Variants in RBL2 observed in about 807,000 individuals in gnomAD.
RBL2 encodes retinoblastoma-like protein 2.
Under a neutral mutation model 126.0 loss-of-function variants are expected in RBL2, and 56 were observed. The observed-to-expected ratio is 0.44, with a 90% confidence interval of 0.36 to 0.56. The LOEUF is 0.56. RBL2 is among the 20% of genes least tolerant of loss of function. The pLI, the probability that RBL2 is intolerant of heterozygous loss-of-function variation, is 0.00. For synonymous variants in RBL2, 454 were observed against 478.5 expected, an observed-to-expected ratio of 0.95 and a Z score of 0.67; for missense variants, 1,229 against 1,398.2, an observed-to-expected ratio of 0.88 and a Z score of 1.93.
intron 17 of RBL2, among the ~76,000 whole-genome samples, chr16:53,477,353 T>C (rs1021100971): frequency 2.0e-5 from 3 of 152,162 alleles, no homozygotes; most frequent in Non-Finnish European, 4.4e-5. Flanking sequence ...TTCTTTCTTT[T>C]TTAAGACTGA....
intron 11 of RBL2, among the ~76,000 whole-genome samples, chr16:53,463,980 C>T (rs1393576470): frequency 6.6e-6 from 1 of 152,116 alleles, no homozygotes; most frequent in Non-Finnish European, 1.5e-5. Context: ...GATGTAATCT[C>T]TTTTAAGATA....
At chr16:53,475,281 T>A (rs1255174209) in intron 17 of RBL2, among the ~76,000 whole-genome samples, 1 of 152,236 alleles carries the variant, frequency 6.6e-6, no homozygotes, top group East Asian at 1.9e-4. Context: ...AGGGGCATGA[T>A]CTTGGCTTAC....
chr16:53,434,708 A>G lies in RBL2; in HGVS notation c.152A>G (p.Glu51Gly). Residue 51 changes from glutamate (E) to glycine (G), a missense_variant, in exon 1 of 22, where the codon GAG (glutamate) becomes GGG (glycine). Glu to Gly is a moderately conservative substitution (Grantham distance 98). Around this residue, in one of 2 missense-constraint regions of RBL2, gnomAD observed 159 missense variants for 123.9 expected, o/e 1.28. Transcript: ENST00000262133. ...PTPQIQQRFD[E>G]LCSRLNMDEA... The stretch of plus-strand genomic sequence containing the variant: ...CCTCAGATCCAGCAGCGGTTCGACG[A>G]GCTGTGCAGCCGCCTCAACATGGAC... 6.4e-7 allele frequency: 1 copy of G among 1,563,108 alleles called. No homozygotes were observed. Among genetic ancestry groups the G allele is most frequent in the Non-Finnish European group, 8.6e-7 (1 of 1,164,558 alleles).
At position 53,470,021 on chromosome 16, in the gene RBL2, C is replaced by A. The variant is rs761697149; in HGVS notation, c.2081C>A (p.Thr694Lys). The A allele has an allele frequency of 6.2e-7, 1 of 1,614,072 alleles. No homozygotes were observed. The highest frequency in any genetic ancestry group is 8.5e-7 in the Non-Finnish European group (1 of 1,180,020). The change falls in exon 15 of 22, where the codon ACG (threonine) becomes AAG (lysine). Residue 694 changes from threonine to lysine, a missense_variant. Thr to Lys is a moderately conservative substitution (Grantham distance 78). This residue lies in a region of RBL2 where 1,070 missense variants were observed against 1,274.3 expected (regional missense o/e 0.84). Transcript: ENST00000262133. ...AATGATAGCCCCTCTGATGGAGGGA[C>A]GCCTGGGCGCATGCCCCCACAGCCC... ...VENDSPSDGG[T>K]PGRMPPQPLV...
intron 2 of RBL2, among the ~76,000 whole-genome samples, chr16:53,442,422 A>G (rs1437479552): frequency 4.6e-5 from 7 of 152,342 alleles, no homozygotes; most frequent in African/African-American, 1.7e-4. Context: ...GTATTTTCAA[A>G]TATTTCATAG....
chr16:53,469,012 C>T (rs1346494249), intron 14 of RBL2, among the ~76,000 whole-genome samples: 2 of 152,272 alleles, frequency 1.3e-5, no homozygotes, highest in East Asian at 1.9e-4. Flanking sequence ...GGTGGATCAC[C>T]TGAGGTCAGG....
At chr16:53,487,900 A>G (rs1003390184) in intron 21 of RBL2, 1 of 152,248 alleles carries the variant, frequency 6.6e-6, no homozygotes, top group Non-Finnish European at 1.5e-5. Context: ...GCCTGTTAGA[A>G]TGGCTAAAAT....
At chr16:53,454,211 G>GTT in intron 7 of RBL2, 2 of 453,448 alleles carry the variant, frequency 4.4e-6, no homozygotes, top group Non-Finnish European at 8.8e-6. Context: ...TTTTTGTTTT[G>GTT]TTTTGTTTTT....
chr16:53,469,215 G>GT (rs1228205117), intron 14 of RBL2, among the ~76,000 whole-genome samples: 2 of 152,130 alleles, frequency 1.3e-5, no homozygotes, highest in African/African-American at 4.8e-5. Context: ...GGGTGATAGA[G>GT]TAAGACTCTG....
At position 53,462,579 on chromosome 16, in the gene RBL2, C is replaced by T. The variant is rs756677584; in HGVS notation, c.1484C>T (p.Ala495Val). Residue 495 changes from alanine (A) to valine (V), a missense_variant, in exon 11 of 22, where the codon GCG becomes GTG. Physicochemically the swap from Ala to Val is moderately conservative, Grantham distance 64. Coordinates refer to ENST00000262133, the MANE Select transcript of RBL2 (RefSeq NM_005611.4). Reference sequence around the variant, plus strand: ...ATTGCCAGCAAACATTTTCGTTTTGCGGAGATGCTTTACTATAAAGTATTA... The same window carrying T: ...ATTGCCAGCAAACATTTTCGTTTTGTGGAGATGCTTTACTATAAAGTATTA... Reference protein sequence around the residue: ...KEIASKHFRFAEMLYYKVLES... With the variant: ...KEIASKHFRFVEMLYYKVLES... 9.6e-5 allele frequency: 149 copies of T among 1,551,470 alleles called. No homozygotes were observed. The highest frequency in any genetic ancestry group is 1.2e-4 in the Non-Finnish European group (136 of 1,158,374).
chr16:53,459,416 G>T (rs2150802091), intron 8 of RBL2, 35 bp from the exon 9 acceptor site: 2 of 1,548,862 alleles, frequency 1.3e-6, no homozygotes, highest in South Asian at 2.3e-5. Context: ...TTTAAAAAAT[G>T]TTTATTAATT....
chr16:53,482,767 G>A (rs901861113), intron 21 of RBL2, among the ~76,000 whole-genome samples: 4 of 147,902 alleles, frequency 2.7e-5, no homozygotes, highest in Non-Finnish European at 5.9e-5. Flanking sequence ...CAGAGATCGC[G>A]CCATTGCACT....
intron 1 of RBL2, among the ~76,000 whole-genome samples, chr16:53,437,321 T>A (rs1457967722): frequency 1.3e-5 from 2 of 152,114 alleles, no homozygotes; most frequent in African/African-American, 4.8e-5. Context: ...TTTTTTTTTT[T>A]TACAAAAGAA....
At chr16:53,477,522 T>G (rs1960777461) in intron 17 of RBL2, among the ~76,000 whole-genome samples, 1 of 152,112 alleles carries the variant, frequency 6.6e-6, no homozygotes, top group Non-Finnish European at 1.5e-5. Context: ...TTTTTGTATT[T>G]TTTTGTAGAG....
intron 21 of RBL2, among the ~76,000 whole-genome samples, chr16:53,487,456 A>G (rs1961220493): frequency 6.6e-6 from 1 of 152,266 alleles, no homozygotes; most frequent in South Asian, 2.1e-4. Flanking sequence ...TAGCCTTTTC[A>G]ACAGATGGTG....
chr16:53,478,879 C>T (rs1960834206), intron 17 of RBL2: 4 of 328,976 alleles, frequency 1.2e-5, no homozygotes, highest in Admixed American at 4.7e-5. Context: ...TCCTCAGCCT[C>T]CCAAAGTGCT....
At chr16:53,435,699 T>C in intron 1 of RBL2, 1 of 1,289,140 alleles carries the variant, frequency 7.8e-7, no homozygotes, top group South Asian at 1.2e-5. Context: ...AATTAATTTG[T>C]AGAAAGAGTC....
chr16:53,465,606 T>C lies in RBL2; in HGVS notation c.1863+4T>C. ...CAGAGTTCCTACATGTGAAGAGGTT[T>C]GTGAAAATAACATCTTTTTATGAGA... On this transcript the variant is annotated splice_donor_region_variant and intron_variant, in intron 13 of 21. Transcript: ENST00000262133. The C allele has an allele frequency of 6.4e-7, 1 of 1,554,112 alleles. No individual in the cohort carries two copies. The highest frequency in any genetic ancestry group is 8.7e-7 in the Non-Finnish European group (1 of 1,155,538).
chr16:53,446,658 C>G (rs1258669256), intron 3 of RBL2, among the ~76,000 whole-genome samples: 1 of 152,064 alleles, frequency 6.6e-6, no homozygotes, highest in Non-Finnish European at 1.5e-5. Flanking sequence ...GGGAGGGATA[C>G]AGGTCATTAG....
Sources: gnomAD v4.1 joint callset for allele counts (sites outside exome capture counted in the v4.1 genomes callset) on GRCh38, gnomAD v4.1.1 for gene constraint, gnomAD v4.1.1 regional missense constraint, MANE v1.5 for transcripts, NCBI Gene and HGNC (gene_info 2026-07-23, HGNC 2026-07-21) for gene names.